SLC10A2: variants seen among roughly 807,000 people sequenced by gnomAD.
The protein encoded by SLC10A2 is ileal sodium/bile acid cotransporter.
SLC10A2 carries 34 observed loss-of-function variants against 27.1 expected under a neutral mutation model. That is an observed-to-expected ratio of 1.26 (90% CI 0.96 to 1.67). The LOEUF (loss-of-function observed/expected upper bound fraction) is 1.67, where lower values mean the gene tolerates loss of function less well. Among genes scored for constraint, SLC10A2 ranks in the 40% most tolerant of loss-of-function variants. The probability of loss-of-function intolerance (pLI) is 0.00; values close to 1 mark genes in which losing one functional copy is unlikely to be tolerated. For synonymous variants in SLC10A2, 205 were observed against 174.0 expected (o/e 1.18, Z -1.40); for missense variants, 530 against 444.4 (o/e 1.19, Z -1.73).
At chr13:103,057,818 G>T (rs1186324633) in intron 2 of SLC10A2, among the ~76,000 whole-genome samples, 1 of 151,908 alleles carries the variant, frequency 6.6e-6, no homozygotes, top group Non-Finnish European at 1.5e-5. Context: ...GGTGAAATTT[G>T]CAGTGAGCCG....
At chr13:103,049,082 C>G (rs1875691760) in intron 5 of SLC10A2, among the ~76,000 whole-genome samples, 1 of 152,132 alleles carries the variant, frequency 6.6e-6, no homozygotes, top group Non-Finnish European at 1.5e-5. Flanking sequence ...ACTTTTCACT[C>G]AAAAATAATC....
chr13:103,062,664 A>G (rs778746435), intron 1 of SLC10A2, among the ~76,000 whole-genome samples: 11 of 152,342 alleles, frequency 7.2e-5, no homozygotes, highest in Non-Finnish European at 1.5e-4. Context: ...GGTAAGCTAC[A>G]GGGTGAGATT....
chr13:103,052,588 G>T, intron 3 of SLC10A2, 32 bp downstream of exon 3: 1 of 1,372,730 alleles, frequency 7.3e-7, no homozygotes, highest in Non-Finnish European at 1.0e-6. Context: ...TGTCACAGTG[G>T]AATATTTAAT....
chr13:103,045,895 A>G lies in SLC10A2; in HGVS notation c.*238T>C, dbSNP rs1875593786. On this transcript the variant is annotated 3_prime_UTR_variant, in exon 6 of 6. Coordinates refer to ENST00000245312, the MANE Select transcript of SLC10A2 (RefSeq NM_000452.3). ...TGGGGGAATATTTCAATGACAATAT[A>G]TCTATATGAGTATACATACATATAT... The G allele has an allele frequency of 1.2e-5, 5 of 411,970 alleles. No individual in the cohort carries two copies. The highest frequency in any genetic ancestry group is 7.6e-5 in the Admixed American group (2 of 26,434). The allele number at this position is 411,970 out of a possible 1,614,324, so 25.5% of individuals were successfully genotyped here.
chr13:103,056,872 G>T (rs542956362), intron 2 of SLC10A2, among the ~76,000 whole-genome samples: 8 of 152,164 alleles, frequency 5.3e-5, no homozygotes, highest in Non-Finnish European at 1.2e-4. Context: ...GTAATGGTAA[G>T]AGTAGGAGAG....
At position 103,049,302 on chromosome 13, in the gene SLC10A2, T is replaced by G. The variant is rs755422818; in HGVS notation, c.906A>C (p.Ala302=). ...IYSIFQLAFA[A]IFLGFYVAYK... ...ATGATTCCTTACATCCTAAGAATAT[T>G]GCGGCAAAGGCGAGCTGGAAAATGC... Residue 302 remains alanine (A), a synonymous_variant, in exon 5 of 6, where the codon GCA becomes GCC. Transcript: ENST00000245312. 1 of 1,613,664 alleles carries G rather than the reference T, an allele frequency of 6.2e-7. No homozygotes were observed. The highest frequency in any genetic ancestry group is 1.3e-5 in the African/African-American group (1 of 74,908).
In SLC10A2 at chr13:103,044,518, T is replaced by C. The variant is rs991483736; in HGVS notation, c.*1615A>G. On this transcript the variant is annotated 3_prime_UTR_variant, in exon 6 of 6. Coordinates refer to ENST00000245312, the MANE Select transcript of SLC10A2 (RefSeq NM_000452.3). ...AGTCCATTTTGTATTTGTCTAATGA[T>C]GGAAAAATATGAAGTACTTATTCAA... 2 of 152,198 alleles carry C rather than the reference T, an allele frequency of 1.3e-5. No individual in the cohort carries two copies. Among genetic ancestry groups the C allele is most frequent in the Non-Finnish European group, 2.9e-5 (2 of 68,040 alleles). 9.4% of individuals were successfully genotyped at this position (152,198 alleles called of 1,614,324 possible).
intron 1 of SLC10A2, among the ~76,000 whole-genome samples, chr13:103,061,377 A>G (rs2138924159): frequency 6.9e-6 from 1 of 144,408 alleles, no homozygotes; most frequent in Admixed American, 7.1e-5. Context: ...GAATGGATTT[A>G]AAGTTGTCCC....
intron 4 of SLC10A2, among the ~76,000 whole-genome samples, chr13:103,050,638 T>G (rs1875749736): frequency 6.6e-6 from 1 of 152,184 alleles, no homozygotes; most frequent in Non-Finnish European, 1.5e-5. Context: ...GTAAGCCGAA[T>G]GGTCCAGAAG....
intron 2 of SLC10A2, among the ~76,000 whole-genome samples, chr13:103,052,945 G>A (rs1479998419): frequency 6.6e-6 from 1 of 152,060 alleles, no homozygotes; most frequent in African/African-American, 2.4e-5. Context: ...TATCAATGCT[G>A]TAAATTCTTT....
At chr13:103,050,001 C>G (rs1162145510) in intron 4 of SLC10A2, among the ~76,000 whole-genome samples, 1 of 151,382 alleles carries the variant, frequency 6.6e-6, no homozygotes, top group African/African-American at 2.4e-5. Flanking sequence ...CAAAACAAAA[C>G]AAAAAAATTA....
At chr13:103,057,335 A>G (rs1875968665) in intron 2 of SLC10A2, among the ~76,000 whole-genome samples, 1 of 152,176 alleles carries the variant, frequency 6.6e-6, no homozygotes, top group Non-Finnish European at 1.5e-5. Flanking sequence ...TACAACAATA[A>G]CTTAATCTCC....
Sources: allele counts gnomAD v4.1 joint callset (sites outside exome capture counted in the v4.1 genomes callset), GRCh38; gene constraint gnomAD v4.1.1; transcripts MANE v1.5; gene names NCBI Gene and HGNC (gene_info 2026-07-23, HGNC 2026-07-21).